CBX5: variants seen among roughly 807,000 people sequenced by gnomAD.
CBX5 encodes chromobox protein homolog 5.
A neutral mutation model predicts 20.7 loss-of-function variants in CBX5; 7 were observed. The ratio of observed to expected loss-of-function variants is 0.34; its 90% CI spans 0.19 to 0.63. CBX5 has a LOEUF of 0.63. Ranked by LOEUF, CBX5 falls within the 30% of genes least tolerant of loss-of-function variation. CBX5 has a pLI of 0.75. For missense variants in CBX5, 110 were observed against 224.1 expected, an observed-to-expected ratio of 0.49 and a Z score of 3.25; for synonymous variants, 78 against 77.0, an observed-to-expected ratio of 1.01 and a Z score of -0.07.
rs1260643613 is a variant in CBX5, at chr12:54,231,588, A to T, written c.*10167T>A. On this transcript the variant is annotated 3_prime_UTR_variant, in exon 5 of 5. Transcript: ENST00000209875. ...GGAAAGCAGAAAGAGCCCTATTGGG[A>T]AGAGGAGCTGGCTGCGCCCCTAAAC... The T allele has an allele frequency of 6.5e-6, 1 of 153,278 alleles. No individual in the cohort carries two copies. The highest frequency in any genetic ancestry group is 2.4e-5 in the African/African-American group (1 of 41,488). 9.5% of individuals were successfully genotyped at this position (153,278 alleles called of 1,614,324 possible).
Position 54,246,010 on chromosome 12 carries a change from A to C in CBX5, c.425+105T>G, listed in dbSNP as rs1220508551. 5.0e-6 allele frequency: 4 copies of C among 799,170 alleles called. No homozygotes were observed. The East Asian group carries it at 7.5e-5, about 15-fold the overall frequency. The allele number at this position is 799,170 out of a possible 1,614,324, so 49.5% of individuals were successfully genotyped here. A position where few individuals can be genotyped will look rare whatever the true frequency, so the allele number is the denominator to read the frequency against. On this transcript the variant is annotated intron_variant, in intron 4 of 4. Coordinates refer to ENST00000209875, the MANE Select transcript of CBX5 (RefSeq NM_012117.3). The stretch of plus-strand genomic sequence containing the variant: ...AAAAAAGAAAGATCTCTGACATTCA[A>C]AATTCATGGTTTGGGAATATGCAGT...
intron 1 of CBX5, among the ~76,000 whole-genome samples, chr12:54,266,321 C>T (rs1298078686): frequency 6.6e-6 from 1 of 152,018 alleles, no homozygotes; most frequent in South Asian, 2.1e-4. Flanking sequence ...TTGCTGGAAC[C>T]TGGGAAGTAG....
At chr12:54,265,143 AAGGCCCTT>A (rs1943945231) in intron 1 of CBX5, among the ~76,000 whole-genome samples, 1 of 152,210 alleles carries the variant, frequency 6.6e-6, no homozygotes, top group Non-Finnish European at 1.5e-5. Context: ...ACTTCTCCTT[AAGGCCCTT>A]AGGGAGAGAG....
intron 2 of CBX5, 137 bp downstream of exon 2, chr12:54,257,377 C>A: frequency 1.3e-6 from 1 of 775,314 alleles, no homozygotes. Flanking sequence ...GTTTTCTTTA[C>A]TGCTGTGTCT....
intron 1 of CBX5, chr12:54,263,011 G>C (rs1004328272): frequency 3.9e-5 from 6 of 152,158 alleles, no homozygotes; most frequent in Non-Finnish European, 8.8e-5. Context: ...ATATACATAG[G>C]AACTATCTGG....
intron 4 of CBX5, among the ~76,000 whole-genome samples, chr12:54,245,126 C>T (rs1354385597): frequency 6.6e-6 from 1 of 151,812 alleles, no homozygotes; most frequent in Non-Finnish European, 1.5e-5. Flanking sequence ...ATTATCCTTC[C>T]TCAGCCTCTC....
intron 3 of CBX5, among the ~76,000 whole-genome samples, chr12:54,247,328 T>C (rs945969962): frequency 1.6e-4 from 24 of 152,056 alleles, no homozygotes; most frequent in African/African-American, 5.3e-4. Flanking sequence ...CATAGGAGGA[T>C]TGCTTGAGAC....
At chr12:54,248,464 A>T (rs1372339328) in intron 3 of CBX5, among the ~76,000 whole-genome samples, 1 of 152,228 alleles carries the variant, frequency 6.6e-6, no homozygotes, top group Non-Finnish European at 1.5e-5. Flanking sequence ...TGAGACATAC[A>T]AAGCATTTGG....
At chr12:54,246,317 T>C in intron 3 of CBX5, 102 bp from the exon 4 acceptor site, 1 of 848,706 alleles carries the variant, frequency 1.2e-6, no homozygotes, top group South Asian at 1.6e-5. Flanking sequence ...TATCTCCTGA[T>C]ATCATTTCTT....
At chr12:54,265,952 CAGG>C (rs1399481181) in intron 1 of CBX5, among the ~76,000 whole-genome samples, 1 of 151,694 alleles carries the variant, frequency 6.6e-6, no homozygotes, top group South Asian at 2.1e-4. Context: ...GAGGCTTAGG[CAGG>C]AGAAGCGCTT....
At chr12:54,269,871 T>C (rs746574392) in intron 1 of CBX5, among the ~76,000 whole-genome samples, 2 of 152,204 alleles carry the variant, frequency 1.3e-5, no homozygotes, top group Non-Finnish European at 2.9e-5. Flanking sequence ...TAAGCCTCCA[T>C]GCCCACCCAA....
intron 1 of CBX5, among the ~76,000 whole-genome samples, chr12:54,260,160 C>CAAAAAAAAAA (rs368171294): frequency 1.3e-5 from 1 of 74,992 alleles, no homozygotes; most frequent in Non-Finnish European, 2.8e-5. Flanking sequence ...AAACAACAAC[C>CAAAAAAAAAA]AAAAAAAAAA....
At chr12:54,257,746 T>G in intron 1 of CBX5, 54 bp from the exon 2 acceptor site, 1 of 1,391,160 alleles carries the variant, frequency 7.2e-7, no homozygotes, top group South Asian at 1.3e-5. Flanking sequence ...TTAAAAACTT[T>G]GTCTTTTCTT....
intron 3 of CBX5, among the ~76,000 whole-genome samples, chr12:54,247,215 G>A (rs1027808805): frequency 4.6e-4 from 70 of 151,416 alleles, no homozygotes; most frequent in African/African-American, 1.6e-3. Flanking sequence ...AGGTAGAACC[G>A]GACTGTGACT....
intron 1 of CBX5, among the ~76,000 whole-genome samples, chr12:54,258,799 A>G (rs1030808035): frequency 6.6e-6 from 1 of 152,148 alleles, no homozygotes; most frequent in East Asian, 1.9e-4. Context: ...TTTTCCTGTA[A>G]TCTTTAAAGA....
chr12:54,246,804 A>C, intron 3 of CBX5, among the ~76,000 whole-genome samples: 1 of 151,754 alleles, frequency 6.6e-6, no homozygotes, highest in Non-Finnish European at 1.5e-5. Flanking sequence ...AAAAAAAGAA[A>C]AGGGGCGAAA....
intron 1 of CBX5, chr12:54,274,279 G>A (rs953784810): frequency 6.6e-6 from 1 of 152,172 alleles, no homozygotes; most frequent in African/African-American, 2.4e-5. Flanking sequence ...CTGGACAAGC[G>A]AACTCTTCTC....
chr12:54,246,622 A>C (rs376310798), intron 3 of CBX5, among the ~76,000 whole-genome samples: 34 of 152,092 alleles, frequency 2.2e-4, no homozygotes, highest in African/African-American at 7.7e-4. Flanking sequence ...TCTACTAAAA[A>C]TACAAAAAAT....
rs991044759 is a variant in CBX5 at position 54,238,027 on chromosome 12, C to G, written c.*3728G>C. ...AAACATGGTAAAACCCCATCTCTAC[C>G]AAAAATACAAAAATTAGCTGGGCAT... is the stretch of plus-strand genomic sequence containing the variant. On this transcript the variant is annotated 3_prime_UTR_variant, in exon 5 of 5. Coordinates refer to ENST00000209875, the MANE Select transcript of CBX5 (RefSeq NM_012117.3). The G allele has an allele frequency of 5.9e-5, 9 of 151,778 alleles. No homozygotes were observed. Among genetic ancestry groups the G allele is most frequent in the Non-Finnish European group, 1.0e-4 (7 of 67,952 alleles). The allele number at this position is 151,778 out of a possible 1,614,324, so 9.4% of individuals were successfully genotyped here.
Sources: gnomAD v4.1 joint callset for allele counts (sites outside exome capture counted in the v4.1 genomes callset) on GRCh38, gnomAD v4.1.1 for gene constraint, MANE v1.5 for transcripts, NCBI Gene and HGNC (gene_info 2026-07-23, HGNC 2026-07-21) for gene names.